The following BMP6 variants were observed in gnomAD, a reference collection of about 807,000 sequenced individuals.
The protein encoded by BMP6 is VG-1-R.
In BMP6, 17 loss-of-function variants were observed where a neutral mutation model predicts 54.1. The ratio of observed to expected loss-of-function variants is 0.31; its 90% CI spans 0.22 to 0.47. BMP6 has a LOEUF of 0.47. Ranked by LOEUF, BMP6 falls within the 20% of genes least tolerant of loss-of-function variation. BMP6 has a pLI of 1.00. For synonymous variants in BMP6, 328 were observed against 291.2 expected (o/e 1.13, Z -1.28); for missense variants, 720 against 690.4 (o/e 1.04, Z -0.48).
chr6:7,801,262 T>G (rs184729684), intron 1 of BMP6, among the ~76,000 whole-genome samples: 2 of 152,358 alleles, frequency 1.3e-5, no homozygotes, highest in East Asian at 3.9e-4. Context: ...GTTTACTGTT[T>G]TCTTGAAGAC....
At chr6:7,875,756 G>A (rs887075232) in intron 4 of BMP6, among the ~76,000 whole-genome samples, 1 of 152,202 alleles carries the variant, frequency 6.6e-6, no homozygotes, top group African/African-American at 2.4e-5. Flanking sequence ...TAGATTGCAT[G>A]CAGTAGAAGC....
At chr6:7,786,958 C>T (rs1758029118) in intron 1 of BMP6, among the ~76,000 whole-genome samples, 1 of 152,142 alleles carries the variant, frequency 6.6e-6, no homozygotes, top group Admixed American at 6.5e-5. Flanking sequence ...CAGATGATCC[C>T]CGAATCCTGG....
At chr6:7,731,005 A>G (rs973259345) in intron 1 of BMP6, among the ~76,000 whole-genome samples, 1 of 152,262 alleles carries the variant, frequency 6.6e-6, no homozygotes, top group African/African-American at 2.4e-5. Context: ...CAGCCGGACT[A>G]TCAGGAAGTG....
At chr6:7,786,038 G>A (rs1473261886) in intron 1 of BMP6, among the ~76,000 whole-genome samples, 7 of 152,352 alleles carry the variant, frequency 4.6e-5, no homozygotes, top group African/African-American at 1.7e-4. Flanking sequence ...CCCCTGAAGA[G>A]TCTTGAAAAT....
chr6:7,879,253 G>A, intron 5 of BMP6, 103 bp downstream of exon 5: 1 of 1,226,520 alleles, frequency 8.2e-7, no homozygotes, highest in South Asian at 1.3e-5. Flanking sequence ...ATTGAAGGCT[G>A]AGCTGCTTCC....
chr6:7,764,789 C>G (rs909918934), intron 1 of BMP6, among the ~76,000 whole-genome samples: 1 of 152,182 alleles, frequency 6.6e-6, no homozygotes, highest in Non-Finnish European at 1.5e-5. Context: ...CTGCCCTTCA[C>G]ATTTTTATTA....
At chr6:7,808,333 T>TA (rs1402045983) in intron 1 of BMP6, among the ~76,000 whole-genome samples, 1 of 152,206 alleles carries the variant, frequency 6.6e-6, no homozygotes, top group Non-Finnish European at 1.5e-5. Context: ...GATTTACTGA[T>TA]AGGTGGATGA....
chr6:7,738,176 C>T (rs1761990950), intron 1 of BMP6, among the ~76,000 whole-genome samples: 1 of 152,192 alleles, frequency 6.6e-6, no homozygotes, highest in Admixed American at 6.5e-5. Flanking sequence ...CCTGTTAATG[C>T]CCTGACAAGG....
chr6:7,768,968 C>T (rs898483424), intron 1 of BMP6, among the ~76,000 whole-genome samples: 1 of 152,120 alleles, frequency 6.6e-6, no homozygotes, highest in Non-Finnish European at 1.5e-5. Flanking sequence ...GCTGTTACTT[C>T]CAGGGCCAGA....
At chr6:7,783,914 A>C (rs912705260) in intron 1 of BMP6, among the ~76,000 whole-genome samples, 5 of 152,236 alleles carry the variant, frequency 3.3e-5, no homozygotes, top group Non-Finnish European at 7.3e-5. Flanking sequence ...TTGCCCTCCA[A>C]ATGCCACACA....
intron 1 of BMP6, among the ~76,000 whole-genome samples, chr6:7,823,146 C>T (rs780185598): frequency 2.0e-5 from 3 of 152,248 alleles, no homozygotes; most frequent in East Asian, 1.9e-4. Context: ...GTTACCACCA[C>T]GACACGTCCC....
intron 1 of BMP6, among the ~76,000 whole-genome samples, chr6:7,793,709 A>G (rs1561773923): frequency 6.6e-6 from 1 of 152,230 alleles, no homozygotes; most frequent in Admixed American, 6.5e-5. Flanking sequence ...AGCCTATTAA[A>G]AAACAAAGTC....
chr6:7,793,119 CAGGTA>C (rs1328624116), intron 1 of BMP6, among the ~76,000 whole-genome samples: 2 of 151,002 alleles, frequency 1.3e-5, no homozygotes, highest in Non-Finnish European at 3.0e-5. Context: ...GAGTTTTTTT[CAGGTA>C]AGTCTTAATA....
chr6:7,813,149 A>ATATATATATAT (rs1333428977), intron 1 of BMP6, among the ~76,000 whole-genome samples: 41 of 107,822 alleles, frequency 3.8e-4, no homozygotes, highest in Admixed American at 5.3e-4. Flanking sequence ...ATATATATAT[A>ATATATATATAT]AAATTAGTGG....
At chr6:7,728,808 A>G (rs1761795295) in intron 1 of BMP6, among the ~76,000 whole-genome samples, 1 of 152,174 alleles carries the variant, frequency 6.6e-6, no homozygotes, top group Admixed American at 6.5e-5. Flanking sequence ...AAAGGAGCAC[A>G]CGGGTCTCCC....
chr6:7,806,158 C>T (rs1758344597), intron 1 of BMP6, among the ~76,000 whole-genome samples: 1 of 152,258 alleles, frequency 6.6e-6, no homozygotes, highest in African/African-American at 2.4e-5. Context: ...CGACATGGGG[C>T]AAGCACTGCT....
intron 1 of BMP6, among the ~76,000 whole-genome samples, chr6:7,783,886 G>A (rs1410559603): frequency 6.6e-6 from 1 of 152,226 alleles, no homozygotes; most frequent in Non-Finnish European, 1.5e-5. Context: ...TGCAGGCCTT[G>A]TGGAATTCTG....
At chr6:7,745,476 C>T (rs1042172780) in intron 1 of BMP6, among the ~76,000 whole-genome samples, 1 of 152,140 alleles carries the variant, frequency 6.6e-6, no homozygotes, top group Admixed American at 6.5e-5. Flanking sequence ...CACTATGTTG[C>T]CCAGGCTGGT....
chr6:7,863,124 G>A (rs1759363224), intron 4 of BMP6, among the ~76,000 whole-genome samples: 1 of 151,998 alleles, frequency 6.6e-6, no homozygotes, highest in South Asian at 2.1e-4. Flanking sequence ...TCAGCCTCCC[G>A]AGTAGCTGGG....
Sources: gnomAD v4.1 joint callset for allele counts (sites outside exome capture counted in the v4.1 genomes callset) on GRCh38, gnomAD v4.1.1 for gene constraint, MANE v1.5 for transcripts, NCBI Gene and HGNC (gene_info 2026-07-23, HGNC 2026-07-21) for gene names.